FAM53A: variants seen among roughly 807,000 people sequenced by gnomAD.
The protein encoded by FAM53A is protein FAM53A.
In FAM53A, 28 loss-of-function variants were observed where a neutral mutation model predicts 26.6. The ratio of observed to expected loss-of-function variants is 1.05; its 90% CI spans 0.78 to 1.45. The LOEUF is 1.45. FAM53A is among the 40% of genes most tolerant of loss of function. The pLI is 0.00. For synonymous variants in FAM53A, 290 were observed against 253.1 expected (o/e 1.15, Z -1.38); for missense variants, 650 against 575.8 (o/e 1.13, Z -1.32).
chr4:1,646,945 T>C (rs1383758912), intron 4 of FAM53A, among the ~76,000 whole-genome samples: 3 of 152,234 alleles, frequency 2.0e-5, no homozygotes, highest in African/African-American at 7.2e-5. Context: ...GCTTCCACAC[T>C]CTGCTGGAAC....
At chr4:1,617,000 G>A (rs1458372302), downstream of FAM53A, among the ~76,000 whole-genome samples, 2 of 143,980 alleles carry the variant, frequency 1.4e-5, no homozygotes, top group Admixed American at 6.7e-5. Flanking sequence ...AGCCAGGCAC[G>A]GTGGTACGTG....
At chr4:1,611,618 C>T in the FAM53A span, among the ~76,000 whole-genome samples, 3 of 152,362 alleles carry the variant, frequency 2.0e-5, no homozygotes, top group East Asian at 3.8e-4. Context: ...CGGGCAGCAC[C>T]GTGCCAGGCT....
chr4:1,580,578 C>CCTCCCGCCCTAGGCCCCGG, the FAM53A span, among the ~76,000 whole-genome samples: 1 of 149,034 alleles, frequency 6.7e-6, no homozygotes, highest in Non-Finnish European at 1.5e-5. Context: ...CTAGGCCCCG[C>CCTCCCGCCCTAGGCCCCGG]CTCCTACCTC....
Position 1,641,594 on chromosome 4 carries a change from G to C in FAM53A, c.896C>G (p.Ser299Ter). Residue 299 changes from serine to a stop codon, truncating the protein, a stop_gained, in exon 5 of 5, where the codon TCA becomes TGA. Transcript: ENST00000308132. LOFTEE classifies it low-confidence loss of function (END_TRUNC). ...GTAATTGAGGGAGCAAAGGCTTTTT[G>C]AATTTTTTAAAGTCTGCAATAGAAA... is the stretch of plus-strand genomic sequence containing the variant. ...FLKMTQTLKN[S>*]KSLCSLNYED... 1 of 1,614,010 alleles carries C rather than the reference G, an allele frequency of 6.2e-7. No individual in the cohort carries two copies. Among genetic ancestry groups the C allele is most frequent in the Non-Finnish European group, 8.5e-7 (1 of 1,179,940 alleles).
At chr4:1,622,943 G>A (rs1336726938) in intron 1 of FAM53A, among the ~76,000 whole-genome samples, 2 of 152,242 alleles carry the variant, frequency 1.3e-5, no homozygotes, top group Admixed American at 6.5e-5. Flanking sequence ...CTTTGCCTGG[G>A]CCTCCCGCGT....
downstream of FAM53A, among the ~76,000 whole-genome samples, chr4:1,638,376 A>G (rs958413385): frequency 6.6e-6 from 1 of 152,052 alleles, no homozygotes; most frequent in East Asian, 1.9e-4. Flanking sequence ...CGCAGAGGAC[A>G]CAGCAGGTCG....
chr4:1,683,046 A>C (rs572935589), intron 1 of FAM53A, among the ~76,000 whole-genome samples: 1 of 152,366 alleles, frequency 6.6e-6, no homozygotes, highest in South Asian at 2.1e-4. Context: ...GAAGGGGATC[A>C]GGACTGCCAG....
At chr4:1,617,331 A>G (rs1356828297), downstream of FAM53A, among the ~76,000 whole-genome samples, 1 of 152,056 alleles carries the variant, frequency 6.6e-6, no homozygotes, top group Non-Finnish European at 1.5e-5. Context: ...ACATCTCTTC[A>G]TCCACTTTTT....
chr4:1,662,530 G>GTCC (rs1250882411), intron 2 of FAM53A, among the ~76,000 whole-genome samples: 1 of 142,158 alleles, frequency 7.0e-6, no homozygotes, highest in Non-Finnish European at 1.5e-5. Context: ...CATGTCTGTA[G>GTCC]TCCTAGCTAC....
chr4:1,578,164 C>T, the FAM53A span, among the ~76,000 whole-genome samples: 3,176 of 152,300 alleles, frequency 0.021, 120 homozygotes, highest in African/African-American at 0.072. Context: ...GGACACGGCC[C>T]CCAGACCGGC....
intron 1 of FAM53A, among the ~76,000 whole-genome samples, chr4:1,618,711 C>A (rs965189725): frequency 6.6e-6 from 1 of 152,194 alleles, no homozygotes; most frequent in Non-Finnish European, 1.5e-5. Flanking sequence ...TGGGGTATGG[C>A]CAGGAAAACG....
chr4:1,662,583 G>A (rs1431955333), intron 2 of FAM53A, among the ~76,000 whole-genome samples: 3 of 149,322 alleles, frequency 2.0e-5, no homozygotes, highest in Non-Finnish European at 4.4e-5. Context: ...CCAGGAGGTC[G>A]AGGCTGCAGT....
intron 2 of FAM53A, among the ~76,000 whole-genome samples, chr4:1,660,900 G>T (rs1026889047): frequency 2.4e-4 from 37 of 151,690 alleles, no homozygotes; most frequent in African/African-American, 8.2e-4. Flanking sequence ...AAAACTAAAA[G>T]TTTTTTAAAA....
chr4:1,674,574 CAGG>C (rs1371347993), intron 1 of FAM53A, among the ~76,000 whole-genome samples: 1 of 151,596 alleles, frequency 6.6e-6, no homozygotes. Flanking sequence ...GAGGCTGAGG[CAGG>C]AGAATTGCTT....
the FAM53A span, among the ~76,000 whole-genome samples, chr4:1,603,544 T>C: frequency 2.0e-5 from 3 of 152,106 alleles, no homozygotes; most frequent in Admixed American, 6.5e-5. Flanking sequence ...CCCATCCCTC[T>C]GCCGATGGTC....
At chr4:1,596,906 G>A in the FAM53A span, among the ~76,000 whole-genome samples, 871 of 152,256 alleles carry the variant, frequency 5.7e-3, 7 homozygotes, top group African/African-American at 0.02. Context: ...AGGGAGAAAC[G>A]GAGGAGAGGG....
At chr4:1,677,267 C>T (rs1362817191) in intron 1 of FAM53A, among the ~76,000 whole-genome samples, 1 of 152,232 alleles carries the variant, frequency 6.6e-6, no homozygotes. Context: ...GGTCCAGAGA[C>T]CACGTCCTTC....
the FAM53A span, among the ~76,000 whole-genome samples, chr4:1,577,160 C>T: frequency 3.3e-5 from 5 of 152,314 alleles, no homozygotes; most frequent in South Asian, 4.1e-4. Flanking sequence ...GATCACCTGC[C>T]TGACCACGTG....
chr4:1,585,268 CTCTCTCTCTT>C, the FAM53A span, among the ~76,000 whole-genome samples: 1 of 100,074 alleles, frequency 1.0e-5, no homozygotes, highest in African/African-American at 3.1e-5. Context: ...TACTCTCTCT[CTCTCTCTCTT>C]TTTTTTTTTT....
Sources: allele counts gnomAD v4.1 joint callset (sites outside exome capture counted in the v4.1 genomes callset), GRCh38; gene constraint gnomAD v4.1.1; transcripts MANE v1.5; gene names NCBI Gene and HGNC (gene_info 2026-07-23, HGNC 2026-07-21).